The following FBN1 variants were observed in gnomAD, a reference collection of about 807,000 sequenced individuals.
FBN1 encodes fibrillin-1.
FBN1 carries 29 observed loss-of-function variants against 365.1 expected under a neutral mutation model. The ratio of observed to expected loss-of-function variants is 0.08; its 90% CI spans 0.06 to 0.11. The LOEUF (loss-of-function observed/expected upper bound fraction) is 0.11. FBN1 is among the 10% of genes least tolerant of loss of function. The pLI is 1.00. For synonymous variants in FBN1, 1,210 were observed against 1,270.5 expected, an observed-to-expected ratio of 0.95 and a Z score of 1.01; for missense variants, 2,476 against 3,703.2, an observed-to-expected ratio of 0.67 and a Z score of 8.60.
intron 2 of FBN1, chr15:48,644,399 G>A: frequency 1.4e-6 from 1 of 692,712 alleles, no homozygotes; most frequent in South Asian, 1.8e-5. Context: ...ATTTAACCAC[G>A]TCCTCTCCTT....
rs769251450 is a variant in FBN1, at chr15:48,485,365, C to A, written c.3712+9G>T. On this transcript the variant is annotated intron_variant, in intron 30 of 65. Coordinates refer to ENST00000316623, the MANE Select transcript of FBN1 (RefSeq NM_000138.5). ...TGAGAGATTCAACATGAGGCTAGAA[C>A]CTACTCACCGGTGCATGATCTCTGG... The A allele has an allele frequency of 3.8e-5, 62 of 1,614,036 alleles. No homozygotes were observed. The South Asian group carries it at 6.8e-4, about 18-fold the overall frequency.
At chr15:48,462,960 GT>G (rs899548227) in intron 42 of FBN1, 121 bp downstream of exon 42, 10 of 995,600 alleles carry the variant, frequency 1.0e-5, no homozygotes, top group Admixed American at 1.8e-5. Context: ...ATCATGAGCC[GT>G]TTTTTTCCCT....
chr15:48,442,437 T>G (rs1475605529), intron 49 of FBN1, among the ~76,000 whole-genome samples: 1 of 152,212 alleles, frequency 6.6e-6, no homozygotes, highest in Non-Finnish European at 1.5e-5. Flanking sequence ...GCTCCTGATT[T>G]GTGGGTTAAT....
chr15:48,583,827 T>C (rs1363056978), intron 6 of FBN1, among the ~76,000 whole-genome samples: 1 of 152,228 alleles, frequency 6.6e-6, no homozygotes, highest in Non-Finnish European at 1.5e-5. Flanking sequence ...AGTTTTAGCC[T>C]TCATTACAAC....
intron 7 of FBN1, among the ~76,000 whole-genome samples, chr15:48,535,830 T>G (rs1259438669): frequency 6.6e-6 from 1 of 152,236 alleles, no homozygotes; most frequent in East Asian, 1.9e-4. Flanking sequence ...AGTTTTGTCT[T>G]AGACCAGAAT....
chr15:48,446,107 T>C (rs962249009), intron 47 of FBN1, among the ~76,000 whole-genome samples: 3 of 152,144 alleles, frequency 2.0e-5, no homozygotes, highest in Non-Finnish European at 2.9e-5. Context: ...TATTTTGAAA[T>C]TTATTTAATT....
chr15:48,563,037 T>C (rs1484133787), intron 6 of FBN1, among the ~76,000 whole-genome samples: 2 of 152,156 alleles, frequency 1.3e-5, no homozygotes, highest in Non-Finnish European at 2.9e-5. Context: ...ATGTCTTCAA[T>C]AGATACATGA....
chr15:48,536,429 G>C (rs950192300), intron 7 of FBN1, among the ~76,000 whole-genome samples: 1 of 152,032 alleles, frequency 6.6e-6, no homozygotes, highest in African/African-American at 2.4e-5. Flanking sequence ...CTAGCTCTCT[G>C]GTCACTGTCA....
At position 48,425,427 on chromosome 15, in the gene FBN1, A is replaced by G. The variant is rs774341590; in HGVS notation, c.7395T>C (p.Ser2465=). The change falls in exon 60 of 66, where the codon AGT becomes AGC. Residue 2465 remains serine, a synonymous_variant. Transcript: ENST00000316623. ...AGCCTTTCGGGCATGAACACTGGTA[A>G]CTCCCTTCTGTGTTTTTGCAGATAA... ...CNFICKNTEG[S]YQCSCPKGYI... 9.3e-6 allele frequency: 15 copies of G among 1,613,994 alleles called. No homozygotes were observed. The Admixed American group carries it at 1.2e-4, about 13-fold the overall frequency.
At chr15:48,621,229 G>A (rs1889759568) in intron 2 of FBN1, among the ~76,000 whole-genome samples, 1 of 152,194 alleles carries the variant, frequency 6.6e-6, no homozygotes, top group African/African-American at 2.4e-5. Flanking sequence ...CTCCTTACAT[G>A]TGAGCTACAC....
chr15:48,636,689 C>T lies in FBN1; in HGVS notation c.164+7917G>A, dbSNP rs191775217. Among the ~76,000 whole-genome samples, 6 of 152,272 alleles carry T rather than the reference C, an allele frequency of 3.9e-5. No individual in the cohort carries two copies. In the East Asian group the frequency reaches 1.2e-3, roughly 30 times the overall value. On this transcript the variant is annotated intron_variant, in intron 2 of 65. Transcript: ENST00000316623. ...TCCTCAGTGGGTCCATTTAGATAAA[C>T]CACACCCAAGTAAACAGGGCTGCAG...
At chr15:48,489,701 A>C (rs115779631) in intron 25 of FBN1, 150 bp downstream of exon 25, 1 of 713,278 alleles carries the variant, frequency 1.4e-6, no homozygotes, top group African/African-American at 1.8e-5. Context: ...AAAAACAAAA[A>C]GTTCATACTT....
intron 13 of FBN1, 119 bp from the exon 14 acceptor site, chr15:48,510,288 AAT>A: frequency 2.2e-6 from 2 of 897,570 alleles, no homozygotes; most frequent in Non-Finnish European, 3.5e-6. Flanking sequence ...ATTACTTAAT[AAT>A]ATTCTCCAAC....
At chr15:48,453,159 G>A (rs2043213939) in intron 44 of FBN1, among the ~76,000 whole-genome samples, 1 of 151,982 alleles carries the variant, frequency 6.6e-6, no homozygotes, top group Admixed American at 6.6e-5. Context: ...GGGAAGCTGG[G>A]GCAGGAGAAC....
rs111251684 is a variant in FBN1, at chr15:48,492,872, C to T, written c.2729-286G>A. On this transcript the variant is annotated intron_variant, in intron 23 of 65. Coordinates refer to ENST00000316623, the MANE Select transcript of FBN1 (RefSeq NM_000138.5). ...TTCTTGGAGACAGCTCTGGTAGCTG[C>T]GGACATTTCAGGTAAGGTTCCCAGC... is the stretch of plus-strand genomic sequence containing the variant. Among the ~76,000 whole-genome samples, 28 of 152,240 alleles carry T rather than the reference C, an allele frequency of 1.8e-4. 1 individual carries two copies. The highest frequency in any genetic ancestry group is 6.0e-4 in the African/African-American group (25 of 41,538).
chr15:48,501,459 TC>T (rs1307343370), intron 17 of FBN1, among the ~76,000 whole-genome samples: 2 of 152,218 alleles, frequency 1.3e-5, no homozygotes, highest in Admixed American at 1.3e-4. Context: ...CTTCCCAGGC[TC>T]CAGAACTGGG....
chr15:48,472,448 C>G, intron 35 of FBN1, 103 bp downstream of exon 35: 11 of 1,439,584 alleles, frequency 7.6e-6, no homozygotes, highest in Non-Finnish European at 1.1e-5. Context: ...AGCTAAAACA[C>G]ACCTCAGTTT....
rs1472110875 is a variant in FBN1, at chr15:48,596,316, T to C, written c.505A>G (p.Thr169Ala). 1 of 1,614,036 alleles carries C rather than the reference T, an allele frequency of 6.2e-7. No individual in the cohort carries two copies. The highest frequency in any genetic ancestry group is 8.5e-7 in the Non-Finnish European group (1 of 1,179,906). ...CACTGGGGTCCAGTAAATCCGTAAG[T>C]GCATGCACATCGATTTGGGGCCACA... ...RCVAPNRCAC[T>A]YGFTGPQCER... The change falls in exon 6 of 66, where the codon ACT becomes GCT. Residue 169 changes from threonine (T) to alanine (A), a missense_variant. By Grantham distance (58) the Thr-to-Ala change is moderately conservative. Coordinates refer to ENST00000316623, the MANE Select transcript of FBN1 (RefSeq NM_000138.5).
intron 6 of FBN1, among the ~76,000 whole-genome samples, chr15:48,545,917 C>G (rs2044090190): frequency 6.6e-6 from 1 of 151,958 alleles, no homozygotes; most frequent in Non-Finnish European, 1.5e-5. Context: ...CCCAGCTACT[C>G]AAGAGGCTGA....
Sources: gnomAD v4.1 joint callset for allele counts (sites outside exome capture counted in the v4.1 genomes callset) on GRCh38, gnomAD v4.1.1 for gene constraint, MANE v1.5 for transcripts, NCBI Gene and HGNC (gene_info 2026-07-23, HGNC 2026-07-21) for gene names.